The following BIRC6 variants were observed in gnomAD, a reference collection of about 807,000 sequenced individuals.
BIRC6 encodes dual E2 ubiquitin-conjugating enzyme/E3 ubiquitin-protein ligase BIRC6.
Under a neutral mutation model 503.3 loss-of-function variants are expected in BIRC6, and 98 were observed. The ratio of observed to expected loss-of-function variants is 0.19; its 90% CI spans 0.17 to 0.23. The LOEUF (loss-of-function observed/expected upper bound fraction) is 0.23, where lower values mean the gene tolerates loss of function less well. Among genes scored for constraint, BIRC6 ranks in the 10% least tolerant of loss-of-function variants. The probability of loss-of-function intolerance (pLI) is 1.00; values close to 1 mark genes in which losing one functional copy is unlikely to be tolerated. For synonymous variants in BIRC6, 2,240 were observed against 2,078.7 expected, an observed-to-expected ratio of 1.08 and a Z score of -2.11; for missense variants, 5,360 against 5,806.0, an observed-to-expected ratio of 0.92 and a Z score of 2.50.
At chr2:32,487,874 A>G (rs1447042113) in intron 41 of BIRC6, 73 bp downstream of exon 41, 1 of 1,281,040 alleles carries the variant, frequency 7.8e-7, no homozygotes, top group Non-Finnish European at 1.1e-6. Flanking sequence ...CTAATTGGGA[A>G]GTTCATTCTA....
At chr2:32,496,448 T>A (rs2052484167) in intron 45 of BIRC6, among the ~76,000 whole-genome samples, 1 of 152,180 alleles carries the variant, frequency 6.6e-6, no homozygotes, top group African/African-American at 2.4e-5. Flanking sequence ...GGTCTCAAAC[T>A]CCTGGCCTCA....
intron 61 of BIRC6, among the ~76,000 whole-genome samples, chr2:32,537,624 A>G (rs976313009): frequency 6.6e-6 from 1 of 152,168 alleles, no homozygotes; most frequent in Non-Finnish European, 1.5e-5. Flanking sequence ...TATGGGATTA[A>G]CTCTGTTGTC....
Position 32,401,598 on chromosome 2 carries a change from G to C in BIRC6, c.1393G>C (p.Asp465His). 6.2e-7 allele frequency: 1 copy of C among 1,613,428 alleles called. No individual in the cohort carries two copies. Among genetic ancestry groups the C allele is most frequent in the Non-Finnish European group, 8.5e-7 (1 of 1,179,760 alleles). Residue 465 changes from aspartate (D) to histidine (H), a missense_variant, in exon 8 of 74, where the codon GAT (aspartate) becomes CAT (histidine). This residue lies in a region of BIRC6 where 700 missense variants were observed against 739.3 expected (regional missense o/e 0.95). Coordinates refer to ENST00000421745, the MANE Select transcript of BIRC6 (RefSeq NM_016252.4). ...AWLEDSSSCS[D>H]IPKLEGDSDD... The stretch of plus-strand genomic sequence containing the variant: ...GCTGGAGGACTCCTCTAGTTGCTCA[G>C]ATATACCAAAATTGGAAGGAGATAG...
chr2:32,599,046 A>AT (rs1559133739), intron 69 of BIRC6, among the ~76,000 whole-genome samples: 1 of 146,100 alleles, frequency 6.8e-6, no homozygotes, highest in Non-Finnish European at 1.5e-5. Flanking sequence ...AAAAAAAAAA[A>AT]GGCCTGGTAT....
At chr2:32,479,431 T>G in intron 36 of BIRC6, 31 bp from the exon 37 acceptor site, 1 of 1,562,844 alleles carries the variant, frequency 6.4e-7, no homozygotes, top group Non-Finnish European at 8.7e-7. Context: ...CTGTATAAAT[T>G]ATTAAAACAG....
At chr2:32,385,231 CAT>C (rs1491266244) in intron 3 of BIRC6, among the ~76,000 whole-genome samples, 3 of 152,176 alleles carry the variant, frequency 2.0e-5, no homozygotes, top group African/African-American at 7.2e-5. Flanking sequence ...ATTTTCCCCT[CAT>C]ATTATTTCAT....
At chr2:32,433,126 G>C (rs1468716790) in intron 12 of BIRC6, among the ~76,000 whole-genome samples, 1 of 152,170 alleles carries the variant, frequency 6.6e-6, no homozygotes, top group East Asian at 1.9e-4. Flanking sequence ...ACTGAAAAAT[G>C]AAGTTTCTGT....
rs1246649514 is a variant in BIRC6 at position 32,499,184 on chromosome 2, G to A, written c.8469-363G>A. Reference sequence around the variant, plus strand: ...TTATCAGTAGGAAATGTTTACAATAGCGTTATTTGAGAATGGAAAAAATTA... The same window carrying A: ...TTATCAGTAGGAAATGTTTACAATAACGTTATTTGAGAATGGAAAAAATTA... On this transcript the variant is annotated intron_variant, in intron 45 of 73. Coordinates refer to ENST00000421745, the MANE Select transcript of BIRC6 (RefSeq NM_016252.4). Among the ~76,000 whole-genome samples, 4 of 152,118 alleles carry A rather than the reference G, an allele frequency of 2.6e-5. No individual in the cohort carries two copies. In the East Asian group the frequency reaches 7.7e-4, roughly 29 times the overall value.
intron 23 of BIRC6, among the ~76,000 whole-genome samples, chr2:32,461,505 C>T (rs1473117381): frequency 6.6e-6 from 1 of 151,652 alleles, no homozygotes; most frequent in Admixed American, 6.6e-5. Context: ...CATGCCTAGC[C>T]AATTGCTCAT....
At chr2:32,535,729 A>G (rs1055932952) in intron 61 of BIRC6, among the ~76,000 whole-genome samples, 13 of 152,262 alleles carry the variant, frequency 8.5e-5, no homozygotes, top group African/African-American at 3.1e-4. Context: ...GCTTGGTTCC[A>G]AGTCTTTGCT....
In BIRC6 at chr2:32,607,653, A is replaced by G. The variant is rs1486012394; in HGVS notation, c.14259+10A>G. 5.7e-6 allele frequency: 9 copies of G among 1,586,364 alleles called. No homozygotes were observed. The highest frequency in any genetic ancestry group is 4.5e-5 in the East Asian group (2 of 44,412). On this transcript the variant is annotated intron_variant, in intron 72 of 73. Coordinates refer to ENST00000421745, the MANE Select transcript of BIRC6 (RefSeq NM_016252.4). ...ACCATGTTTTAAAGAGGTATGTTCA[A>G]TAAAATTAGTGAAATACTTTGTTAA... is the stretch of plus-strand genomic sequence containing the variant.
intron 66 of BIRC6, chr2:32,590,733 G>A: frequency 1.1e-6 from 1 of 951,940 alleles, no homozygotes; most frequent in African/African-American, 1.8e-5. Context: ...GGAATTCACA[G>A]CATAGTGGAA....
Position 32,448,820 on chromosome 2 carries a change from G to C in BIRC6, c.4510G>C (p.Asp1504His). 3 of 1,612,598 alleles carry C rather than the reference G, an allele frequency of 1.9e-6. No individual in the cohort carries two copies. Among genetic ancestry groups the C allele is most frequent in the Non-Finnish European group, 2.5e-6 (3 of 1,179,406 alleles). ...TRYGLYSSPF[D>H]PVLFDLEMSG... Reference sequence around the variant, plus strand: ...ATATGGATTATATAGCTCACCATTTGATCCAGTCCTCTTTGATTTGGAGAT... The same window carrying C: ...ATATGGATTATATAGCTCACCATTTCATCCAGTCCTCTTTGATTTGGAGAT... The change falls in exon 22 of 74, where the codon GAT (aspartate) becomes CAT (histidine). Residue 1504 changes from aspartate (D) to histidine (H), a missense_variant. Physicochemically the swap from Asp to His is moderately conservative, Grantham distance 81. This residue lies in a region of BIRC6 where 2,299 missense variants were observed against 2,267.2 expected (regional missense o/e 1.01). Transcript: ENST00000421745.
chr2:32,611,355 T>C, intron 72 of BIRC6, 93 bp from the exon 73 acceptor site: 2 of 802,428 alleles, frequency 2.5e-6, no homozygotes, highest in Non-Finnish European at 3.5e-6. Flanking sequence ...TAAATGTATT[T>C]ATAATACATT....
At chr2:32,397,653 CATATATGTGT>C (rs1350540111) in intron 6 of BIRC6, among the ~76,000 whole-genome samples, 2 of 135,126 alleles carry the variant, frequency 1.5e-5, no homozygotes, top group African/African-American at 5.6e-5. Context: ...CACACACACA[CATATATGTGT>C]ATATATATAT....
At chr2:32,428,221 G>A (rs2043737071) in intron 10 of BIRC6, among the ~76,000 whole-genome samples, 1 of 152,166 alleles carries the variant, frequency 6.6e-6, no homozygotes, top group South Asian at 2.1e-4. Context: ...GCTCCCTCTG[G>A]TCTTTGCTGG....
At chr2:32,558,314 T>C (rs2058925603) in intron 65 of BIRC6, among the ~76,000 whole-genome samples, 1 of 140,042 alleles carries the variant, frequency 7.1e-6, no homozygotes, top group Non-Finnish European at 1.6e-5. Flanking sequence ...AACTGCAATT[T>C]ATATACAAAA....
At position 32,547,981 on chromosome 2, in the gene BIRC6, G is replaced by T. The variant is rs747115951; in HGVS notation, c.12942G>T (p.Arg4314Ser). The T allele has an allele frequency of 1.2e-6, 2 of 1,609,930 alleles. No individual in the cohort carries two copies. The change falls in exon 64 of 74, where the codon AGG becomes AGT. Residue 4314 changes from arginine to serine, a missense_variant. Physicochemically the swap from Arg to Ser is moderately radical, Grantham distance 110 (BLOSUM62 -1). Around this residue, in one of 16 missense-constraint regions of BIRC6, gnomAD observed 477 missense variants for 574.4 expected, o/e 0.83. Transcript: ENST00000421745. ...TGGAACAAGCCTTAACTAAGCAAAG[G>T]CTGGAAGAGGAACATGTTACCTGCC... Reference protein sequence around the residue: ...WDVEQALTKQRLEEEHVTCLL... With the variant: ...WDVEQALTKQSLEEEHVTCLL...
chr2:32,523,229 T>TA (rs2055922554), intron 57 of BIRC6: 1 of 152,102 alleles, frequency 6.6e-6, no homozygotes, highest in African/African-American at 2.4e-5. Flanking sequence ...TATTAAAAAA[T>TA]AAAAAAGTAA....
Sources: gnomAD v4.1 joint callset for allele counts (sites outside exome capture counted in the v4.1 genomes callset) on GRCh38, gnomAD v4.1.1 for gene constraint, gnomAD v4.1.1 regional missense constraint, MANE v1.5 for transcripts, NCBI Gene and HGNC (gene_info 2026-07-23, HGNC 2026-07-21) for gene names.